PCM1: variants seen among roughly 807,000 people sequenced by gnomAD.
PCM1 encodes pericentriolar material 1.
In PCM1, 157 loss-of-function variants were observed where a neutral mutation model predicts 241.9. That is an observed-to-expected ratio of 0.65 (90% CI 0.57 to 0.74). The LOEUF is 0.74. Among genes scored for constraint, PCM1 ranks in the 30% least tolerant of loss-of-function variants. The pLI is 0.00. For synonymous variants in PCM1, 1,085 were observed against 784.9 expected, an observed-to-expected ratio of 1.38 and a Z score of -6.39; for missense variants, 3,478 against 2,360.1, an observed-to-expected ratio of 1.47 and a Z score of -9.81.
intron 9 of PCM1, among the ~76,000 whole-genome samples, chr8:17,954,427 CAAAAAA>C (rs57686395): frequency 7.4e-5 from 8 of 108,808 alleles, no homozygotes; most frequent in African/African-American, 1.6e-4. Flanking sequence ...AACTCCATCT[CAAAAAA>C]AAAAAAAAAG....
intron 34 of PCM1, among the ~76,000 whole-genome samples, chr8:18,013,180 G>A (rs2092730773): frequency 2.0e-5 from 3 of 152,102 alleles, no homozygotes; most frequent in South Asian, 4.1e-4. Context: ...TATGAGCTTG[G>A]CTGCTGATAT....
At chr8:18,009,766 T>A in intron 31 of PCM1, 22 bp downstream of exon 31, 2 of 1,355,136 alleles carry the variant, frequency 1.5e-6, no homozygotes, top group African/African-American at 1.5e-5. Flanking sequence ...TCATTTTGAT[T>A]TTTAGGATAA....
At chr8:18,002,809 A>G (rs1228486316) in intron 29 of PCM1, among the ~76,000 whole-genome samples, 1 of 122,992 alleles carries the variant, frequency 8.1e-6, no homozygotes, top group Non-Finnish European at 1.5e-5. Context: ...TTTGATTTGC[A>G]TTTCTCTGAT....
chr8:17,941,037 C>A (rs1351506886), intron 6 of PCM1, among the ~76,000 whole-genome samples: 2 of 152,148 alleles, frequency 1.3e-5, no homozygotes, highest in African/African-American at 4.8e-5. Flanking sequence ...CCTTTCTCTT[C>A]CCGGACCTTC....
At chr8:17,965,281 G>T (rs1317695994) in intron 18 of PCM1, among the ~76,000 whole-genome samples, 1 of 152,132 alleles carries the variant, frequency 6.6e-6, no homozygotes, top group Non-Finnish European at 1.5e-5. Flanking sequence ...TTTTTTAGGA[G>T]ATTTCATTGC....
In PCM1 at chr8:18,011,309, T is replaced by C. The variant is rs1367908793; in HGVS notation, c.5293T>C (p.Ser1765Pro). 41 of 1,605,856 alleles carry C rather than the reference T, an allele frequency of 2.6e-5. No individual in the cohort carries two copies. The East Asian group carries it at 5.6e-4, about 22-fold the overall frequency. ...GTATGATGGTCCCAAAAATGTAAGA[T>C]CTGATATTTCTGATCAAGAGGAAGA... The part of the protein sequence containing the change: ...EVYDGPKNVR[S>P]DISDQEEDEE... Residue 1765 changes from serine to proline, a missense_variant, in exon 33 of 39, where the codon TCT becomes CCT. Coordinates refer to ENST00000325083, the MANE Select transcript of PCM1 (RefSeq NM_006197.4).
In PCM1 at chr8:17,957,365, A is replaced by G; in HGVS notation, c.1748A>G (p.Glu583Gly). 6.2e-7 allele frequency: 1 copy of G among 1,611,676 alleles called. No homozygotes were observed. Among genetic ancestry groups the G allele is most frequent in the Non-Finnish European group, 8.5e-7 (1 of 1,178,030 alleles). Reference sequence around the variant, plus strand: ...GGGCGAACAGTTAATTCTAATTGTGAAATTAACAACAGATCTGCTGCCAAC... The same window carrying G: ...GGGCGAACAGTTAATTCTAATTGTGGAATTAACAACAGATCTGCTGCCAAC... ...RDGRTVNSNC[E>G]INNRSAANIR... Residue 583 changes from glutamate to glycine, a missense_variant, in exon 12 of 39, where the codon GAA (glutamate) becomes GGA (glycine). By Grantham distance (98) the Glu-to-Gly change is moderately conservative. Coordinates refer to ENST00000325083, the MANE Select transcript of PCM1 (RefSeq NM_006197.4).
At chr8:17,987,024 C>T (rs17126062) in intron 26 of PCM1, among the ~76,000 whole-genome samples, 2,923 of 151,800 alleles carry the variant, frequency 0.019, 41 homozygotes, top group Non-Finnish European at 0.029. Flanking sequence ...AACTTCTACT[C>T]GTGTTTAAAA....
intron 26 of PCM1, among the ~76,000 whole-genome samples, chr8:17,988,748 A>G (rs2083444816): frequency 6.6e-6 from 1 of 151,942 alleles, no homozygotes; most frequent in Non-Finnish European, 1.5e-5. Context: ...CTAATATGCA[A>G]ATTAAAGCCA....
At position 18,009,713 on chromosome 8, in the gene PCM1, C is replaced by G; in HGVS notation, c.5129C>G (p.Ala1710Gly). 1 of 1,498,162 alleles carries G rather than the reference C, an allele frequency of 6.7e-7. No homozygotes were observed. The highest frequency in any genetic ancestry group is 8.9e-7 in the Non-Finnish European group (1 of 1,124,952). 92.8% of individuals were successfully genotyped at this position (1,498,162 alleles called of 1,614,324 possible). The change falls in exon 31 of 39, where the codon GCA (alanine) becomes GGA (glycine). Residue 1710 changes from alanine (A) to glycine (G), a missense_variant. Transcript: ENST00000325083. ...CAGAGATGCAAAAGGAAAATAGAAG[C>G]AACTGGAGTGATACAATCTTGTGCC... ...VKQRCKRKIE[A>G]TGVIQSCAKE...
In PCM1 at chr8:17,964,616, A is replaced by C. The variant is rs759440413; in HGVS notation, c.2703A>C (p.Glu901Asp). ...CTACCCAGTGTGCACTAGATGAAGAAGGAGATGAAGACGGTTACCTTTCTG... is the reference window on the plus strand; with the variant it reads ...CTACCCAGTGTGCACTAGATGAAGACGGAGATGAAGACGGTTACCTTTCTG... ...GGSTQCALDE[E>D]GDEDGYLSEG... Residue 901 changes from glutamate to aspartate, a missense_variant, in exon 18 of 39, where the codon GAA becomes GAC. Physicochemically the swap from Glu to Asp is conservative, Grantham distance 45. Coordinates refer to ENST00000325083, the MANE Select transcript of PCM1 (RefSeq NM_006197.4). 2.5e-6 allele frequency: 4 copies of C among 1,613,802 alleles called. No individual in the cohort carries two copies. Among genetic ancestry groups the C allele is most frequent in the African/African-American group, 1.3e-5 (1 of 74,906 alleles).
chr8:17,992,283 T>G (rs2084949021), intron 28 of PCM1, among the ~76,000 whole-genome samples: 1 of 152,212 alleles, frequency 6.6e-6, no homozygotes, highest in African/African-American at 2.4e-5. Context: ...TTGGATCAAA[T>G]GGTGGATCTA....
chr8:18,010,778 C>A (rs2129485411), intron 32 of PCM1, 110 bp downstream of exon 32: 1 of 685,040 alleles, frequency 1.5e-6, no homozygotes, highest in South Asian at 1.9e-5. Context: ...GTCAAGATTT[C>A]CAGACCAGCC....
rs75735848 is a variant in PCM1, at chr8:18,022,619, T to C, written c.5842-2742T>C. Reference sequence around the variant, plus strand: ...GCAAAGGTATGTCCTGTAACTACTATTGATTTTATTGCTGGTAATTTTATC... The same window carrying C: ...GCAAAGGTATGTCCTGTAACTACTACTGATTTTATTGCTGGTAATTTTATC... On this transcript the variant is annotated intron_variant, in intron 36 of 38. Coordinates refer to ENST00000325083, the MANE Select transcript of PCM1 (RefSeq NM_006197.4). Among the ~76,000 whole-genome samples, 897 of 152,368 alleles carry C rather than the reference T, an allele frequency of 5.9e-3. 4 individuals are homozygous for C. The highest frequency in any genetic ancestry group is 9.2e-3 in the Non-Finnish European group (624 of 68,034).
chr8:17,977,505 A>T (rs2079178066), intron 23 of PCM1, among the ~76,000 whole-genome samples: 1 of 152,194 alleles, frequency 6.6e-6, no homozygotes, highest in Admixed American at 6.5e-5. Context: ...GCAAGGCTTT[A>T]GGGTCTGCTG....
intron 30 of PCM1, among the ~76,000 whole-genome samples, chr8:18,009,346 T>C (rs1361622568): frequency 6.6e-6 from 1 of 152,220 alleles, no homozygotes; most frequent in Non-Finnish European, 1.5e-5. Flanking sequence ...CCATATATGT[T>C]CTTCCCTTGT....
At chr8:17,961,933 A>G (rs2072422953) in intron 15 of PCM1, 101 bp from the exon 16 acceptor site, 2 of 889,884 alleles carry the variant, frequency 2.2e-6, no homozygotes, top group Non-Finnish European at 3.3e-6. Flanking sequence ...CAGATTAAAT[A>G]TGGCACTAGA....
intron 29 of PCM1, among the ~76,000 whole-genome samples, chr8:17,996,924 C>G (rs1247489009): frequency 6.6e-6 from 1 of 152,038 alleles, no homozygotes; most frequent in Non-Finnish European, 1.5e-5. Flanking sequence ...TTTTGTCTTT[C>G]CACTTAAGAG....
At chr8:17,954,977 C>A (rs1295849953) in intron 9 of PCM1, among the ~76,000 whole-genome samples, 1 of 152,036 alleles carries the variant, frequency 6.6e-6, no homozygotes, top group African/African-American at 2.4e-5. Flanking sequence ...GATGTGACAT[C>A]CCCCTGATCT....
Sources: allele counts gnomAD v4.1 joint callset (sites outside exome capture counted in the v4.1 genomes callset), GRCh38; gene constraint gnomAD v4.1.1; transcripts MANE v1.5; gene names NCBI Gene and HGNC (gene_info 2026-07-23, HGNC 2026-07-21).